The following COX7A2L variants were observed in gnomAD, a reference collection of about 807,000 sequenced individuals.
COX7A2L encodes the protein cytochrome c oxidase subunit 7A2 like.
Under a neutral mutation model 14.2 loss-of-function variants are expected in COX7A2L, and 18 were observed. That is an observed-to-expected ratio of 1.27 (90% CI 0.88 to 1.88). The LOEUF is 1.88. Ranked by LOEUF, COX7A2L falls within the 40% of genes most tolerant of loss-of-function variation. The pLI, the probability that COX7A2L is intolerant of heterozygous loss-of-function variation, is 0.00. For synonymous variants in COX7A2L, 65 were observed against 57.4 expected (o/e 1.13, Z -0.60); for missense variants, 179 against 138.8 (o/e 1.29, Z -1.46).
intron 1 of COX7A2L, chr2:42,359,742 A>T (rs904899851): frequency 6.6e-6 from 1 of 151,832 alleles, no homozygotes; most frequent in Non-Finnish European, 1.5e-5. Flanking sequence ...TAAACTCCAT[A>T]TTCAAAAATC....
upstream of COX7A2L, chr2:42,361,392 G>C: frequency 2.1e-6 from 1 of 485,462 alleles, no homozygotes; most frequent in African/African-American, 2.0e-5. Context: ...AGCACGCAAA[G>C]TCGCTGTGGC....
intron 2 of COX7A2L, among the ~76,000 whole-genome samples, chr2:42,341,868 A>G (rs1313390571): frequency 1.3e-5 from 2 of 152,250 alleles, no homozygotes; most frequent in Non-Finnish European, 2.9e-5. Flanking sequence ...TTATTCAGTC[A>G]GAATCATTTC....
chr2:42,349,588 G>A lies in COX7A2L; in HGVS notation c.*1631C>T, dbSNP rs376640273. On this transcript the variant is annotated 3_prime_UTR_variant, in exon 3 of 3. Transcript: ENST00000234301. ...AAAACCAATGAATTGTACACTTGAGGTGAACTGTACAGTATGTAAATTATA... is the reference window on the plus strand; with the variant it reads ...AAAACCAATGAATTGTACACTTGAGATGAACTGTACAGTATGTAAATTATA... The A allele has an allele frequency of 1.1e-4, 16 of 152,144 alleles. No individual in the cohort carries two copies. Among genetic ancestry groups the A allele is most frequent in the African/African-American group, 3.9e-4 (16 of 41,424 alleles). The allele number at this position is 152,144 out of a possible 1,614,324, so 9.4% of individuals were successfully genotyped here. A position where few individuals can be genotyped will look rare whatever the true frequency, so the allele number is the denominator to read the frequency against.
In COX7A2L at chr2:42,353,192, T is replaced by C. The variant is rs187958003; in HGVS notation, c.204+20A>G. The C allele has an allele frequency of 4.4e-5, 71 of 1,611,316 alleles. No homozygotes were observed. In the African/African-American group the frequency reaches 8.7e-4, roughly 20 times the overall value. ...CTATTTATTTCACAGGCTTTTCTGT[T>C]GTAGAGTATCTTCCCTCACCTGGAA... On this transcript the variant is annotated intron_variant, in intron 2 of 2. Coordinates refer to ENST00000234301, the MANE Select transcript of COX7A2L (RefSeq NM_004718.4).
chr2:42,341,429 G>A (rs1179979168), intron 2 of COX7A2L, among the ~76,000 whole-genome samples: 3 of 152,194 alleles, frequency 2.0e-5, no homozygotes, highest in Non-Finnish European at 1.5e-5. Context: ...AAGCTTGCCT[G>A]GGCTGGGCGG....
intron 1 of COX7A2L, among the ~76,000 whole-genome samples, chr2:42,366,648 A>G (rs549848257): frequency 6.6e-6 from 1 of 152,368 alleles, no homozygotes; most frequent in Non-Finnish European, 1.5e-5. Flanking sequence ...TAGGAAATAC[A>G]TTTTGTAAAA....
downstream of COX7A2L, among the ~76,000 whole-genome samples, chr2:42,346,107 C>G (rs553560714): frequency 2.3e-4 from 35 of 152,332 alleles, no homozygotes; most frequent in African/African-American, 7.7e-4. Flanking sequence ...TGGCACCAAA[C>G]AGCTGACTGG....
At chr2:42,368,546 A>C (rs1181394929) in intron 1 of COX7A2L, among the ~76,000 whole-genome samples, 1 of 152,204 alleles carries the variant, frequency 6.6e-6, no homozygotes, top group Non-Finnish European at 1.5e-5. Flanking sequence ...AGTGAATTGA[A>C]AGTTCTTGTG....
downstream of COX7A2L, among the ~76,000 whole-genome samples, chr2:42,346,661 G>A (rs887579482): frequency 3.9e-5 from 6 of 152,002 alleles, no homozygotes; most frequent in Admixed American, 6.5e-5. Context: ...CTACTTAGGA[G>A]GGTGAGGTGG....
In COX7A2L at chr2:42,339,357, T is replaced by A. The variant is rs1256873392; in HGVS notation, c.193-5488A>T. 1.3e-5 allele frequency among the ~76,000 whole-genome samples: 2 copies of A among 152,244 alleles called. No homozygotes were observed. The highest frequency in any genetic ancestry group is 3.9e-4 in the East Asian group (2 of 5,168). On this transcript the variant is annotated intron_variant, in intron 2 of 2. Transcript: ENST00000468711. The surrounding 1 kb of genome is among the most constrained non-coding windows in gnomAD (Gnocchi z 5.4). ...TGTCCTGATTCAACGCTAGGCTCCG[T>A]TCCACACCACTCACTCGAAGCATGA...
At chr2:42,358,266 G>A (rs1670895094) in intron 1 of COX7A2L, among the ~76,000 whole-genome samples, 1 of 152,058 alleles carries the variant, frequency 6.6e-6, no homozygotes, top group Admixed American at 6.6e-5. Context: ...TGTGCTTATT[G>A]GCCTCAATTT....
At chr2:42,355,908 T>C (rs1319307813) in intron 1 of COX7A2L, among the ~76,000 whole-genome samples, 1 of 152,078 alleles carries the variant, frequency 6.6e-6, no homozygotes, top group Non-Finnish European at 1.5e-5. Flanking sequence ...GTATTTTTCA[T>C]AGAGACTGGG....
chr2:42,351,503 TAGA>T, intron 2 of COX7A2L, 144 bp from the exon 3 acceptor site: 1 of 940,242 alleles, frequency 1.1e-6, no homozygotes, highest in Non-Finnish European at 1.6e-6. Context: ...GGAATGCTAG[TAGA>T]AGTTCCTATA....
chr2:42,340,652 G>A (rs1346376339), intron 2 of COX7A2L, among the ~76,000 whole-genome samples: 1 of 151,974 alleles, frequency 6.6e-6, no homozygotes, highest in Non-Finnish European at 1.5e-5. Flanking sequence ...CTCAGTGCAT[G>A]CCTTCCCCAT....
At position 42,342,109 on chromosome 2, in the gene COX7A2L, TC is replaced by T. The variant is rs1413394064; in HGVS notation, c.193-8241del. Among the ~76,000 whole-genome samples, 1 of 152,158 alleles carries T rather than the reference TC, an allele frequency of 6.6e-6. No individual in the cohort carries two copies. The highest frequency in any genetic ancestry group is 1.5e-5 in the Non-Finnish European group (1 of 68,030). ...CCACCCTCTCTAGTGGCGAGGCACT[TC>T]CGGAACTGGTGCCAGGTCTTCCTAT... On this transcript the variant is annotated intron_variant, in intron 2 of 2. Coordinates refer to the COX7A2L transcript ENST00000468711. This position sits in a 1 kb window ranked among gnomAD's most constrained non-coding sequence, Gnocchi z 4.9.
chr2:42,359,583 G>A (rs1670949688), intron 1 of COX7A2L: 1 of 152,094 alleles, frequency 6.6e-6, no homozygotes, highest in Admixed American at 6.6e-5. Flanking sequence ...CGGTTTCAGT[G>A]AGACCACACT....
At chr2:42,341,748 A>AT (rs1474183617) in intron 2 of COX7A2L, among the ~76,000 whole-genome samples, 17 of 152,270 alleles carry the variant, frequency 1.1e-4, no homozygotes, top group Admixed American at 3.3e-4. Flanking sequence ...CAACTAATTG[A>AT]AAGTAATTTA....
chr2:42,361,407 T>A, upstream of COX7A2L: 1 of 461,886 alleles, frequency 2.2e-6, no homozygotes, highest in Non-Finnish European at 3.9e-6. Context: ...TGTGGCGGAG[T>A]CTGTAGGAAA....
chr2:42,344,374 C>T (rs1369798845), downstream of COX7A2L, among the ~76,000 whole-genome samples: 1 of 152,178 alleles, frequency 6.6e-6, no homozygotes, highest in Non-Finnish European at 1.5e-5. Context: ...CCTACTACAA[C>T]TTTAGGAATG....
Sources: gnomAD v4.1 joint callset for allele counts (sites outside exome capture counted in the v4.1 genomes callset) on GRCh38, gnomAD v4.1.1 for gene constraint, Gnocchi (gnomAD v3.1) non-coding constraint, MANE v1.5 for transcripts, NCBI Gene and HGNC (gene_info 2026-07-23, HGNC 2026-07-21) for gene names.